The following VWA3B variants were observed in gnomAD, a reference collection of about 807,000 sequenced individuals.
The protein encoded by VWA3B is von Willebrand factor A domain-containing protein 3B.
A neutral mutation model predicts 158.3 loss-of-function variants in VWA3B; 138 were observed. That is an observed-to-expected ratio of 0.87 (90% CI 0.76 to 1.00). The LOEUF is 1.00. Among genes scored for constraint, VWA3B ranks in the 50% least tolerant of loss-of-function variants. VWA3B has a pLI of 0.00. For synonymous variants in VWA3B, 596 were observed against 587.3 expected (o/e 1.01, Z -0.21); for missense variants, 1,555 against 1,565.1 (o/e 0.99, Z 0.11).
At chr2:98,150,458 G>A (rs905439303) in intron 7 of VWA3B, among the ~76,000 whole-genome samples, 4 of 152,254 alleles carry the variant, frequency 2.6e-5, no homozygotes, top group African/African-American at 9.6e-5. Context: ...TATGAAGGCA[G>A]AGGACAGGAA....
intron 13 of VWA3B, chr2:98,217,110 C>A: frequency 1.8e-6 from 1 of 567,804 alleles, no homozygotes; most frequent in Non-Finnish European, 2.7e-6. Flanking sequence ...GGAGCTCCAT[C>A]CCTGCAATGG....
intron 21 of VWA3B, among the ~76,000 whole-genome samples, chr2:98,257,301 T>C (rs543479590): frequency 2.6e-5 from 4 of 152,176 alleles, no homozygotes; most frequent in African/African-American, 7.2e-5. Context: ...AATGATAGGA[T>C]TTTGTTCCTT....
At chr2:98,316,686 G>A (rs917963351), downstream of VWA3B, among the ~76,000 whole-genome samples, 1 of 151,934 alleles carries the variant, frequency 6.6e-6, no homozygotes, top group Non-Finnish European at 1.5e-5. Flanking sequence ...CAATGTTTGA[G>A]GAGGGCCTGG....
Position 98,218,032 on chromosome 2 carries a change from A to G in VWA3B, c.2019+4A>G, listed in dbSNP as rs763317868. 4 of 1,601,470 alleles carry G rather than the reference A, an allele frequency of 2.5e-6. No homozygotes were observed. In the East Asian group the frequency reaches 9.0e-5, roughly 36 times the overall value. ...CACTCCCCCAGAGGCTGTTCAGGTAAGAGCTTGGTGGGCTAAGAAGGGAGT... is the reference window on the plus strand; with the variant it reads ...CACTCCCCCAGAGGCTGTTCAGGTAGGAGCTTGGTGGGCTAAGAAGGGAGT... On this transcript the variant is annotated splice_donor_region_variant and intron_variant, in intron 14 of 27. Coordinates refer to ENST00000477737, the MANE Select transcript of VWA3B (RefSeq NM_144992.5).
At chr2:98,301,741 GTCT>G (rs891466549) in intron 25 of VWA3B, among the ~76,000 whole-genome samples, 7 of 152,136 alleles carry the variant, frequency 4.6e-5, no homozygotes, top group African/African-American at 1.7e-4. Context: ...ACTAGGGGAG[GTCT>G]TCTCTGCCTT....
chr2:98,282,392 G>C (rs919073638), intron 22 of VWA3B, among the ~76,000 whole-genome samples: 5 of 148,502 alleles, frequency 3.4e-5, no homozygotes, highest in African/African-American at 1.2e-4. Flanking sequence ...CTTGCCAATA[G>C]TAATAACAGT....
intron 12 of VWA3B, among the ~76,000 whole-genome samples, chr2:98,208,916 T>C (rs1463222385): frequency 6.6e-6 from 1 of 152,238 alleles, no homozygotes; most frequent in Non-Finnish European, 1.5e-5. Context: ...AATGCTTCTT[T>C]AAGGGTAGGT....
chr2:98,092,369 G>A (rs969420688), intron 1 of VWA3B, among the ~76,000 whole-genome samples: 1 of 152,192 alleles, frequency 6.6e-6, no homozygotes, highest in Non-Finnish European at 1.5e-5. Flanking sequence ...TTCCAGCTGG[G>A]CGCAGTGGCT....
At chr2:98,321,821 G>T in the VWA3B span, among the ~76,000 whole-genome samples, 1 of 152,140 alleles carries the variant, frequency 6.6e-6, no homozygotes, top group Non-Finnish European at 1.5e-5. Flanking sequence ...CATGAGATTT[G>T]GGAGGGGCTA....
At chr2:98,226,573 A>T (rs540863505) in intron 14 of VWA3B, among the ~76,000 whole-genome samples, 1 of 150,990 alleles carries the variant, frequency 6.6e-6, no homozygotes, top group East Asian at 2.5e-4. Context: ...AATAGATTGG[A>T]CCTCATCAAA....
downstream of VWA3B, among the ~76,000 whole-genome samples, chr2:98,318,079 T>C (rs995005371): frequency 5.6e-4 from 85 of 152,192 alleles, no homozygotes; most frequent in African/African-American, 2.0e-3. Context: ...TAACAGATGC[T>C]GGTGAGGTTG....
intron 8 of VWA3B, among the ~76,000 whole-genome samples, chr2:98,179,655 C>A (rs893264761): frequency 1.3e-5 from 2 of 152,142 alleles, no homozygotes; most frequent in Admixed American, 1.3e-4. Flanking sequence ...TCCTTTCTTT[C>A]TCTTTTTTCT....
chr2:98,236,510 T>C, intron 18 of VWA3B, 33 bp downstream of exon 18: 1 of 1,614,054 alleles, frequency 6.2e-7, no homozygotes, highest in Non-Finnish European at 8.5e-7. Context: ...GACAGTTCTG[T>C]TATGCTTCTG....
At position 98,125,284 on chromosome 2, in the gene VWA3B, G is replaced by C. The variant is rs778163265; in HGVS notation, c.703-2955G>C. 7.9e-5 allele frequency among the ~76,000 whole-genome samples: 12 copies of C among 152,226 alleles called. No individual in the cohort carries two copies. Among genetic ancestry groups the C allele is most frequent in the Non-Finnish European group, 1.8e-4 (12 of 68,036 alleles). ...AACCACAGAAGTGAAAAAAGTGACT[G>C]TCTGGGGCCACCTTCTATTGCTTGC... On this transcript the variant is annotated intron_variant, in intron 5 of 27. Transcript: ENST00000477737. This position sits in a 1 kb window ranked among gnomAD's most constrained non-coding sequence, Gnocchi z 4.1.
rs138489409 is a variant in VWA3B, at chr2:98,236,475, C to A, written c.2514C>A (p.His838Gln). 4.3e-6 allele frequency: 7 copies of A among 1,614,068 alleles called. No individual in the cohort carries two copies. In the East Asian group the frequency reaches 1.3e-4, roughly 31 times the overall value. Residue 838 changes from histidine (H) to glutamine (Q), a missense_variant and splice_region_variant, in exon 18 of 28, where the codon CAC becomes CAA. Coordinates refer to ENST00000477737, the MANE Select transcript of VWA3B (RefSeq NM_144992.5). Reference sequence around the variant, plus strand: ...GAGAAGGAAGCCAGGTTTATGACCACGAGTGAGTTCTTTAATTTGACAAAG... The same window carrying A: ...GAGAAGGAAGCCAGGTTTATGACCAAGAGTGAGTTCTTTAATTTGACAAAG... Reference protein sequence around the residue: ...VTREGSQVYDHDSSDVSSENW... With the variant: ...VTREGSQVYDQDSSDVSSENW...
chr2:98,258,725 T>C (rs759733388), intron 21 of VWA3B, among the ~76,000 whole-genome samples: 2 of 151,896 alleles, frequency 1.3e-5, no homozygotes, highest in Non-Finnish European at 3.0e-5. Context: ...TACTAGTGGC[T>C]TTGTGGGGAA....
intron 7 of VWA3B, among the ~76,000 whole-genome samples, chr2:98,140,428 G>A (rs535076512): frequency 1.3e-5 from 2 of 152,304 alleles, no homozygotes; most frequent in African/African-American, 4.8e-5. Context: ...CATCTTCTAA[G>A]CCTCTCCTCC....
chr2:98,259,448 TTATC>T (rs767954465), intron 21 of VWA3B, among the ~76,000 whole-genome samples: 3 of 151,746 alleles, frequency 2.0e-5, no homozygotes, highest in African/African-American at 7.2e-5. Context: ...GCTGTTGAGT[TTATC>T]TATTTCTTCT....
chr2:98,179,678 TCTTTCTTTCTCTTC>T (rs1558640657), intron 8 of VWA3B, among the ~76,000 whole-genome samples: 1 of 152,134 alleles, frequency 6.6e-6, no homozygotes, highest in Non-Finnish European at 1.5e-5. Context: ...TTCTTTTCTT[TCTTTCTTTCTCTTC>T]CTTTCTTTTT....
Sources: gnomAD v4.1 joint callset for allele counts (sites outside exome capture counted in the v4.1 genomes callset) on GRCh38, gnomAD v4.1.1 for gene constraint, Gnocchi (gnomAD v3.1) non-coding constraint, MANE v1.5 for transcripts, NCBI Gene and HGNC (gene_info 2026-07-23, HGNC 2026-07-21) for gene names.